GNS: variants seen among roughly 807,000 people sequenced by gnomAD.
The protein encoded by GNS is N-acetylglucosamine-6-sulfatase.
In GNS, 40 loss-of-function variants were observed where a neutral mutation model predicts 69.7. That is an observed-to-expected ratio of 0.57 (90% CI 0.45 to 0.75). The LOEUF (loss-of-function observed/expected upper bound fraction) is 0.75, where lower values mean the gene tolerates loss of function less well. GNS is among the 30% of genes least tolerant of loss of function. The probability of loss-of-function intolerance (pLI) is 0.00; values close to 1 mark genes in which losing one functional copy is unlikely to be tolerated. For missense variants in GNS, 565 were observed against 685.5 expected (o/e 0.82, Z 1.96); for synonymous variants, 243 against 251.6 (o/e 0.97, Z 0.32).
chr12:64,717,602 A>T lies in GNS; in HGVS notation c.1581-783T>A, dbSNP rs528203988. Among the ~76,000 whole-genome samples the T allele has an allele frequency of 2.0e-5, 3 of 146,628 alleles. No homozygotes were observed. In the East Asian group the frequency reaches 5.9e-4, roughly 29 times the overall value. On this transcript the variant is annotated intron_variant, in intron 13 of 13. Transcript: ENST00000258145. ...GGTCTAGAACTCCTGGGCTCATGTG[A>T]TCTGCCCGCCTTGGTCTCCCGAAGT...
chr12:64,719,090 C>T (rs1472006019), intron 13 of GNS, among the ~76,000 whole-genome samples: 1 of 152,182 alleles, frequency 6.6e-6, no homozygotes, highest in Non-Finnish European at 1.5e-5. Context: ...TGTTACCTGG[C>T]TTTAGTTTAC....
intron 9 of GNS, among the ~76,000 whole-genome samples, chr12:64,735,752 C>A (rs1331081126): frequency 6.6e-6 from 1 of 152,182 alleles, no homozygotes; most frequent in East Asian, 1.9e-4. Flanking sequence ...ATTTAATGGT[C>A]TTCTAAACTT....
At chr12:64,721,509 TG>T in intron 12 of GNS, 85 bp downstream of exon 12, 1 of 782,700 alleles carries the variant, frequency 1.3e-6, no homozygotes, top group South Asian at 1.3e-5. Context: ...GGAGCAGCCT[TG>T]GAATTGCTCT....
At chr12:64,738,769 C>T (rs1381210120) in intron 8 of GNS, among the ~76,000 whole-genome samples, 2 of 152,046 alleles carry the variant, frequency 1.3e-5, no homozygotes, top group South Asian at 2.1e-4. Context: ...GCCGAGATCA[C>T]GCTACTGTAC....
At chr12:64,724,844 G>C (rs1456258102) in intron 10 of GNS, among the ~76,000 whole-genome samples, 2 of 152,216 alleles carry the variant, frequency 1.3e-5, no homozygotes, top group African/African-American at 4.8e-5. Flanking sequence ...CTAGGTGACA[G>C]AGCGAGACTC....
intron 8 of GNS, among the ~76,000 whole-genome samples, chr12:64,738,825 C>A (rs199547082): frequency 1.3e-5 from 2 of 149,514 alleles, no homozygotes; most frequent in African/African-American, 2.5e-5. Context: ...CACCAGCCCC[C>A]CAAAAAAATC....
At chr12:64,723,193 G>C in intron 10 of GNS, 80 bp from the exon 11 acceptor site, 1 of 875,442 alleles carries the variant, frequency 1.1e-6, no homozygotes, top group Admixed American at 1.8e-5. Context: ...TGCTAAAGGG[G>C]ACCTGGGAGT....
Position 64,740,626 on chromosome 12 carries a change from T to TA in GNS, c.854dup (p.Leu285PhefsTer3). ...CTTACCTTTTCCTAAATGCATTATC[T>TA]AAAAACTGTATTGAAGAATTAGTCA... is the stretch of plus-strand genomic sequence containing the variant. On this transcript the variant is annotated frameshift_variant, in exon 7 of 14. Transcript: ENST00000258145. LOFTEE classifies it high-confidence loss of function. 6.4e-7 allele frequency: 1 copy of TA among 1,568,694 alleles called. No individual in the cohort carries two copies.
At position 64,720,168 on chromosome 12, in the gene GNS, G is replaced by C. The variant is rs141958901; in HGVS notation, c.1434C>G (p.Val478=). The C allele has an allele frequency of 3.6e-5, 57 of 1,600,638 alleles. No individual in the cohort carries two copies. The African/African-American group carries it at 7.1e-4, about 20-fold the overall frequency. ...GGTCTGGGTCTGCAGTCAGATTATA[G>C]ACTTCTACAAACACCTAGAGGACAT... is the stretch of plus-strand genomic sequence containing the variant. ...EFDDQEVFVE[V]YNLTADPDQI... Residue 478 remains valine (V), a synonymous_variant, in exon 13 of 14, where the codon GTC becomes GTG. Transcript: ENST00000258145.
At chr12:64,719,042 T>G (rs2136236151) in intron 13 of GNS, among the ~76,000 whole-genome samples, 1 of 152,336 alleles carries the variant, frequency 6.6e-6, no homozygotes, top group East Asian at 1.9e-4. Context: ...GTTATTTCAT[T>G]TAAGTGATAT....
At chr12:64,738,475 C>T (rs1488702018) in intron 8 of GNS, among the ~76,000 whole-genome samples, 1 of 152,118 alleles carries the variant, frequency 6.6e-6, no homozygotes, top group Non-Finnish European at 1.5e-5. Flanking sequence ...AAAATCTAAG[C>T]TGGATAATGG....
intron 9 of GNS, among the ~76,000 whole-genome samples, chr12:64,735,650 T>C (rs557592889): frequency 6.6e-6 from 1 of 152,396 alleles, no homozygotes; most frequent in South Asian, 2.1e-4. Context: ...CCATGTGGGC[T>C]GAGGTAGCCC....
chr12:64,731,258 T>A (rs938337758), intron 9 of GNS, among the ~76,000 whole-genome samples: 2 of 152,198 alleles, frequency 1.3e-5, no homozygotes, highest in African/African-American at 4.8e-5. Context: ...TGTATTTTTT[T>A]ATTTTTCGTA....
intron 8 of GNS, 41 bp from the exon 9 acceptor site, chr12:64,737,148 G>A (rs1869579288): frequency 9.9e-7 from 1 of 1,014,970 alleles, no homozygotes; most frequent in Non-Finnish European, 1.6e-6. Flanking sequence ...AGCCAAGACA[G>A]GAGCCTTGCT....
Position 64,727,738 on chromosome 12 carries a change from T to A in GNS, c.1200+1218A>T, listed in dbSNP as rs1869253455. ...TCATGGTGGGAATGGGAGCAACAGA[T>A]CTAATCAATTCCCTGCACCACAATT... On this transcript the variant is annotated intron_variant, in intron 10 of 13. Coordinates refer to ENST00000258145, the MANE Select transcript of GNS (RefSeq NM_002076.4). 2.0e-5 allele frequency among the ~76,000 whole-genome samples: 3 copies of A among 152,074 alleles called. No homozygotes were observed. In the South Asian group the frequency reaches 6.2e-4, roughly 32 times the overall value.
intron 5 of GNS, among the ~76,000 whole-genome samples, chr12:64,743,851 A>G (rs1034652558): frequency 1.3e-5 from 2 of 152,208 alleles, no homozygotes; most frequent in Non-Finnish European, 2.9e-5. Flanking sequence ...TTATCAGGAG[A>G]TACTTTATGA....
intron 13 of GNS, 127 bp from the exon 14 acceptor site, chr12:64,716,946 A>C (rs1355998363): frequency 4.2e-6 from 3 of 717,200 alleles, no homozygotes; most frequent in Non-Finnish European, 7.7e-6. Context: ...CTAGTGAGAA[A>C]GTCTATGGTA....
chr12:64,756,473 A>C (rs1333933386), intron 1 of GNS, among the ~76,000 whole-genome samples: 1 of 152,224 alleles, frequency 6.6e-6, no homozygotes, highest in Non-Finnish European at 1.5e-5. Context: ...TTATTATCAC[A>C]GTATTCTAGA....
chr12:64,751,508 G>T (rs999445398), intron 2 of GNS, among the ~76,000 whole-genome samples: 5 of 152,226 alleles, frequency 3.3e-5, no homozygotes, highest in Admixed American at 2.0e-4. Flanking sequence ...TTTACCTTAT[G>T]TATTTGAAAT....
Sources: gnomAD v4.1 joint callset for allele counts (sites outside exome capture counted in the v4.1 genomes callset) on GRCh38, gnomAD v4.1.1 for gene constraint, MANE v1.5 for transcripts, NCBI Gene and HGNC (gene_info 2026-07-23, HGNC 2026-07-21) for gene names.